The following SCHIP1 variants were observed in gnomAD, a reference collection of about 807,000 sequenced individuals.
The protein encoded by SCHIP1 is schwannomin interacting protein 1, also known as schwannomin-interacting protein 1.
In SCHIP1, 8 loss-of-function variants were observed where a neutral mutation model predicts 29.7. The ratio of observed to expected loss-of-function variants is 0.27; its 90% confidence interval spans 0.16 to 0.49. SCHIP1 has a LOEUF of 0.49. Ranked by LOEUF, SCHIP1 falls within the 20% of genes least tolerant of loss-of-function variation. The pLI is 0.99. For missense variants in SCHIP1, 193 were observed against 294.6 expected, an observed-to-expected ratio of 0.66 and a Z score of 2.52; for synonymous variants, 76 against 94.9, an observed-to-expected ratio of 0.80 and a Z score of 1.16.
the SCHIP1 span, among the ~76,000 whole-genome samples, chr3:159,359,151 C>T: frequency 2.0e-5 from 3 of 152,114 alleles, no homozygotes; most frequent in African/African-American, 4.8e-5. Flanking sequence ...TGATCTCGAT[C>T]TCCTGACCTC....
upstream of SCHIP1, among the ~76,000 whole-genome samples, chr3:159,835,541 A>G (rs757421181): frequency 3.3e-5 from 5 of 152,226 alleles, no homozygotes; most frequent in Non-Finnish European, 5.9e-5. Context: ...ATGTACTTCA[A>G]AGTAAGTTGC....
chr3:159,493,166 A>G, the SCHIP1 span, among the ~76,000 whole-genome samples: 4 of 152,246 alleles, frequency 2.6e-5, no homozygotes, highest in Admixed American at 6.5e-5. Flanking sequence ...TGTAAAGACC[A>G]TCAAGGCTAG....
the SCHIP1 span, among the ~76,000 whole-genome samples, chr3:159,528,738 A>G: frequency 6.6e-6 from 1 of 152,264 alleles, no homozygotes; most frequent in Non-Finnish European, 1.5e-5. Flanking sequence ...TCCCCGAAAC[A>G]TAATGGCAAA....
the SCHIP1 span, chr3:159,765,201 G>T: frequency 6.8e-7 from 1 of 1,465,740 alleles, no homozygotes; most frequent in Non-Finnish European, 9.1e-7. Flanking sequence ...CGCACAGCCC[G>T]CACGCCCCCT....
the SCHIP1 span, among the ~76,000 whole-genome samples, chr3:159,610,074 T>C: frequency 6.6e-6 from 1 of 152,198 alleles, no homozygotes; most frequent in Non-Finnish European, 1.5e-5. Flanking sequence ...ATTATTACCA[T>C]TTTACAGATG....
chr3:159,873,940 G>A (rs1218222850), intron 2 of SCHIP1, among the ~76,000 whole-genome samples: 1 of 152,132 alleles, frequency 6.6e-6, no homozygotes, highest in Non-Finnish European at 1.5e-5. Context: ...CTAATTATCA[G>A]TTAGCATTAT....
At chr3:159,385,580 A>AACAAACAAAC in the SCHIP1 span, among the ~76,000 whole-genome samples, 2 of 134,944 alleles carry the variant, frequency 1.5e-5, no homozygotes, top group East Asian at 2.2e-4. Flanking sequence ...ACAAACAAAA[A>AACAAACAAAC]AAAAAAAACC....
At chr3:159,687,242 C>T in the SCHIP1 span, among the ~76,000 whole-genome samples, 1 of 152,072 alleles carries the variant, frequency 6.6e-6, no homozygotes, top group African/African-American at 2.4e-5. Context: ...ACTTATCTGT[C>T]TGTTTTTTCT....
the SCHIP1 span, among the ~76,000 whole-genome samples, chr3:159,425,237 A>G: frequency 5.3e-5 from 8 of 152,356 alleles, no homozygotes; most frequent in East Asian, 3.9e-4. Context: ...ATTAAAAGAC[A>G]CAGACTGGCA....
chr3:159,300,113 C>CTTTTTTTTTTTTTTTTTTTTTT, the SCHIP1 span, among the ~76,000 whole-genome samples: 7 of 45,358 alleles, frequency 1.5e-4, 2 homozygotes, highest in East Asian at 1.4e-3. Flanking sequence ...GGGAAAGCTG[C>CTTTTTTTTTTTTTTTTTTTTTT]TTTTTTTTTT....
the SCHIP1 span, among the ~76,000 whole-genome samples, chr3:159,636,998 G>T: frequency 6.6e-6 from 1 of 152,126 alleles, no homozygotes; most frequent in Non-Finnish European, 1.5e-5. Context: ...GAAACTGAGG[G>T]GAGTTAACTT....
At chr3:159,306,718 G>A in the SCHIP1 span, 2,536 of 212,410 alleles carry the variant, frequency 0.012, 69 homozygotes, top group African/African-American at 0.057. Context: ...AATATGTAAT[G>A]TTCTACCTTA....
At chr3:159,783,727 C>T in the SCHIP1 span, among the ~76,000 whole-genome samples, 1 of 152,108 alleles carries the variant, frequency 6.6e-6, no homozygotes, top group African/African-American at 2.4e-5. Context: ...ACTTCTAAGG[C>T]TCCAGGAACT....
chr3:159,424,114 G>T, the SCHIP1 span, among the ~76,000 whole-genome samples: 3 of 149,872 alleles, frequency 2.0e-5, no homozygotes, highest in African/African-American at 7.3e-5. Flanking sequence ...AGAAAAACTG[G>T]AAACTCTAAA....
the SCHIP1 span, among the ~76,000 whole-genome samples, chr3:159,560,668 C>T: frequency 1.3e-5 from 2 of 151,614 alleles, no homozygotes; most frequent in Admixed American, 1.3e-4. Context: ...TGTAAATTCC[C>T]ACCCCTTCCA....
the SCHIP1 span, among the ~76,000 whole-genome samples, chr3:159,742,531 A>G: frequency 2.0e-5 from 3 of 152,222 alleles, no homozygotes; most frequent in Non-Finnish European, 4.4e-5. Flanking sequence ...CACTGTATAC[A>G]GAAGCAAGTC....
chr3:159,697,353 C>A, the SCHIP1 span, among the ~76,000 whole-genome samples: 1 of 152,046 alleles, frequency 6.6e-6, no homozygotes, highest in Non-Finnish European at 1.5e-5. Context: ...GAGAGAGGAG[C>A]AGTTTTGACA....
chr3:159,561,502 C>A, the SCHIP1 span, among the ~76,000 whole-genome samples: 1 of 152,160 alleles, frequency 6.6e-6, no homozygotes, highest in African/African-American at 2.4e-5. Context: ...CATGAATATA[C>A]AGACATTCTG....
chr3:159,430,739 G>T, the SCHIP1 span, among the ~76,000 whole-genome samples: 5 of 152,104 alleles, frequency 3.3e-5, no homozygotes, highest in Non-Finnish European at 7.4e-5. Context: ...TACAGATAGG[G>T]GCAGGGATAA....
Sources: gnomAD v4.1 joint callset for allele counts (sites outside exome capture counted in the v4.1 genomes callset) on GRCh38, gnomAD v4.1.1 for gene constraint, MANE v1.5 for transcripts, NCBI Gene and HGNC (gene_info 2026-07-23, HGNC 2026-07-21) for gene names.